The following SLC41A3 variants were observed in gnomAD, a reference collection of about 807,000 sequenced individuals.
The protein encoded by SLC41A3 is SLC41A1-like 2.
A neutral mutation model predicts 45.4 loss-of-function variants in SLC41A3; 44 were observed. The ratio of observed to expected loss-of-function variants is 0.97; its 90% CI spans 0.76 to 1.25. SLC41A3 has a LOEUF of 1.25. Ranked by LOEUF, SLC41A3 falls within the 50% of genes most tolerant of loss-of-function variation. The pLI, the probability that SLC41A3 is intolerant of heterozygous loss-of-function variation, is 0.00. For missense variants in SLC41A3, 550 were observed against 600.6 expected (o/e 0.92, Z 0.88); for synonymous variants, 256 against 252.4 (o/e 1.01, Z -0.13).
intron 3 of SLC41A3, among the ~76,000 whole-genome samples, chr3:126,040,515 A>T (rs1482934831): frequency 6.6e-6 from 1 of 152,162 alleles, no homozygotes; most frequent in African/African-American, 2.4e-5. Context: ...GGAGCAGCTG[A>T]AAGGGCATTT....
At chr3:126,025,819 G>C (rs894458445) in intron 5 of SLC41A3, 1 of 152,696 alleles carries the variant, frequency 6.5e-6, no homozygotes, top group Non-Finnish European at 1.5e-5. Flanking sequence ...CCGCTGACTG[G>C]GGGCTCCGTC....
At chr3:126,087,178 A>C (rs1270628675), upstream of SLC41A3, among the ~76,000 whole-genome samples, 1 of 152,128 alleles carries the variant, frequency 6.6e-6, no homozygotes, top group African/African-American at 2.4e-5. Flanking sequence ...GATAAATAAG[A>C]CATGGAATAT....
chr3:126,051,029 C>T lies in SLC41A3; in HGVS notation c.295G>A (p.Val99Met), dbSNP rs770717629. Residue 99 changes from valine (V) to methionine (M), a missense_variant, in exon 3 of 11, where the codon GTG (valine) becomes ATG (methionine). Coordinates refer to ENST00000360370, the MANE Select transcript of SLC41A3 (RefSeq NM_017836.4). ...GGCACCAATGTCAAAAGGTCTTTCA[C>T]CTCCACAAACACAGGCCAGTGCTGG... ...YFQHWPVFVE[V>M]KDLLTLVPPL... 9.9e-6 allele frequency: 16 copies of T among 1,611,436 alleles called. No homozygotes were observed. The highest frequency in any genetic ancestry group is 1.3e-5 in the Non-Finnish European group (15 of 1,178,764).
At chr3:126,057,965 T>C (rs1345098516) in intron 2 of SLC41A3, 2 of 152,184 alleles carry the variant, frequency 1.3e-5, no homozygotes, top group Non-Finnish European at 2.9e-5. Flanking sequence ...AGTCAGTTTC[T>C]AGGCATGGAT....
intron 2 of SLC41A3, among the ~76,000 whole-genome samples, chr3:126,064,603 A>C (rs554601243): frequency 6.6e-6 from 1 of 152,108 alleles, no homozygotes; most frequent in South Asian, 2.1e-4. Context: ...GAGGCAATTA[A>C]AACAGGCTGC....
intron 10 of SLC41A3, among the ~76,000 whole-genome samples, 168 bp downstream of exon 10, chr3:126,008,564 A>C (rs1939372531): frequency 6.6e-6 from 1 of 151,826 alleles, no homozygotes; most frequent in African/African-American, 2.4e-5. Context: ...TGCAGTGTGG[A>C]ATGGCCTCTG....
chr3:126,044,665 A>G (rs906941875), intron 3 of SLC41A3, among the ~76,000 whole-genome samples: 1 of 151,832 alleles, frequency 6.6e-6, no homozygotes, highest in Non-Finnish European at 1.5e-5. Flanking sequence ...GGAGGCCGAG[A>G]CGGGTGGATC....
intron 1 of SLC41A3, among the ~76,000 whole-genome samples, chr3:126,077,648 G>A (rs1033741084): frequency 6.6e-6 from 1 of 152,204 alleles, no homozygotes; most frequent in Non-Finnish European, 1.5e-5. Context: ...GGTAAGGAAT[G>A]AGGTGGTAGG....
intron 1 of SLC41A3, among the ~76,000 whole-genome samples, chr3:126,097,574 A>G: frequency 6.6e-6 from 1 of 152,286 alleles, no homozygotes; most frequent in South Asian, 2.1e-4. Flanking sequence ...TAATCATGAA[A>G]TATTTAGATA....
chr3:126,067,221 T>G (rs1410058765), intron 2 of SLC41A3, among the ~76,000 whole-genome samples: 3 of 152,028 alleles, frequency 2.0e-5, no homozygotes, highest in Non-Finnish European at 4.4e-5. Flanking sequence ...ACCAATTTAT[T>G]CAGAGATGTA....
chr3:126,058,904 C>T (rs967132194), intron 2 of SLC41A3, among the ~76,000 whole-genome samples: 27 of 152,150 alleles, frequency 1.8e-4, no homozygotes, highest in Admixed American at 1.4e-3. Flanking sequence ...AAACGTCTGC[C>T]AGGCCTCATG....
At chr3:126,090,388 G>A (rs1327179139) in intron 1 of SLC41A3, among the ~76,000 whole-genome samples, 2 of 152,136 alleles carry the variant, frequency 1.3e-5, no homozygotes, top group African/African-American at 2.4e-5. Context: ...TAGTAGAAAA[G>A]AAAGGAGCTA....
chr3:126,029,664 C>A (rs992077147), intron 4 of SLC41A3, among the ~76,000 whole-genome samples: 2 of 152,160 alleles, frequency 1.3e-5, no homozygotes, highest in Non-Finnish European at 2.9e-5. Context: ...AAAGTCCCAA[C>A]AAGATCTTTC....
chr3:126,079,480 C>G (rs1484898676), intron 1 of SLC41A3, among the ~76,000 whole-genome samples: 1 of 152,070 alleles, frequency 6.6e-6, no homozygotes, highest in Non-Finnish European at 1.5e-5. Flanking sequence ...TGAAGAACTC[C>G]TACAGAGAAA....
At position 126,097,059 on chromosome 3, in the gene SLC41A3, G is replaced by A. The variant is rs539898887; in HGVS notation, c.-79+4370C>T. Among the ~76,000 whole-genome samples the A allele has an allele frequency of 4.6e-5, 7 of 152,362 alleles. No homozygotes were observed. In the East Asian group the frequency reaches 5.8e-4, roughly 13 times the overall value. ...GCTTGGAAGAGACCCGAGCAAGCAC[G>A]TGAAGGCTAAAGAGAGAAGGTCATG... On this transcript the variant is annotated intron_variant, in intron 1 of 9. Coordinates refer to the SLC41A3 transcript ENST00000508835.
chr3:126,044,882 C>T (rs1192942812), intron 3 of SLC41A3, among the ~76,000 whole-genome samples: 4 of 101,070 alleles, frequency 4.0e-5, no homozygotes, highest in Non-Finnish European at 5.4e-5. Flanking sequence ...GGCGACAGAG[C>T]GAGACTCCAT....
At chr3:126,028,402 C>G (rs1043693745) in intron 4 of SLC41A3, among the ~76,000 whole-genome samples, 3 of 152,374 alleles carry the variant, frequency 2.0e-5, no homozygotes, top group Middle Eastern at 3.4e-3. Flanking sequence ...GAGGATGCAA[C>G]GCATAAGCCT....
Position 126,022,926 on chromosome 3 carries a change from A to T in SLC41A3, c.605T>A (p.Leu202Gln). 6.2e-7 allele frequency: 1 copy of T among 1,614,178 alleles called. No homozygotes were observed. The highest frequency in any genetic ancestry group is 1.1e-5 in the South Asian group (1 of 91,070). Residue 202 changes from leucine to glutamine, a missense_variant, in exon 6 of 11, where the codon CTG becomes CAG. Transcript: ENST00000360370. ...AFLAAFALGVLMVCIVIGARK... is the reference protein window; with the variant it reads ...AFLAAFALGVQMVCIVIGARK... ...AGCACCAATCACTATACAGACCATC[A>T]GCACCCCTGCAGAGAGAGAGAGGAG...
At chr3:126,100,103 T>G (rs1242201265) in intron 1 of SLC41A3, among the ~76,000 whole-genome samples, 1 of 152,168 alleles carries the variant, frequency 6.6e-6, no homozygotes, top group Non-Finnish European at 1.5e-5. Context: ...GAGGAACTGT[T>G]GATTTTGGAG....
Sources: gnomAD v4.1 joint callset for allele counts (sites outside exome capture counted in the v4.1 genomes callset) on GRCh38, gnomAD v4.1.1 for gene constraint, MANE v1.5 for transcripts, NCBI Gene and HGNC (gene_info 2026-07-23, HGNC 2026-07-21) for gene names.